Variants in TRIM14 observed in about 807,000 individuals in gnomAD.
TRIM14 encodes tripartite motif containing 14, also known as tripartite motif-containing protein 14.
In TRIM14, 28 loss-of-function variants were observed where a neutral mutation model predicts 44.5. That is an observed-to-expected ratio of 0.63 (90% CI 0.47 to 0.86). The LOEUF (loss-of-function observed/expected upper bound fraction) is 0.86, where lower values mean the gene tolerates loss of function less well. Ranked by LOEUF, TRIM14 falls within the 40% of genes least tolerant of loss-of-function variation. The probability of loss-of-function intolerance (pLI) is 0.00; values close to 1 mark genes in which losing one functional copy is unlikely to be tolerated. For missense variants in TRIM14, 607 were observed against 611.1 expected, an observed-to-expected ratio of 0.99 and a Z score of 0.07; for synonymous variants, 299 against 269.2, an observed-to-expected ratio of 1.11 and a Z score of -1.08.
At chr9:98,056,552 C>G in the TRIM14 span, among the ~76,000 whole-genome samples, 1 of 152,004 alleles carries the variant, frequency 6.6e-6, no homozygotes, top group South Asian at 2.1e-4. Flanking sequence ...CCTCAAGCCT[C>G]GCACAGGAGA....
intron 6 of TRIM14, chr9:98,077,029 AT>A: frequency 6.3e-7 from 1 of 1,588,762 alleles, no homozygotes; most frequent in Non-Finnish European, 8.6e-7. Context: ...TAAGTGTCTA[AT>A]TTTTGACTTA....
chr9:98,047,165 GAGTA>G, the TRIM14 span, among the ~76,000 whole-genome samples: 1 of 152,148 alleles, frequency 6.6e-6, no homozygotes, highest in Non-Finnish European at 1.5e-5. Flanking sequence ...TCATGGTAGT[GAGTA>G]AGTCTCACGA....
rs570207578 is a variant in TRIM14, at chr9:98,072,317, C to T, written c.*29-2630G>A. On this transcript the variant is annotated intron_variant, in intron 6 of 6. Coordinates refer to the TRIM14 transcript ENST00000375098. Reference sequence around the variant, plus strand: ...ACCCTTTGGAGTTTTTCTGCCTCAGCCTATTTGGGCAGGTAGGTTCCTCTG... The same window carrying T: ...ACCCTTTGGAGTTTTTCTGCCTCAGTCTATTTGGGCAGGTAGGTTCCTCTG... Among the ~76,000 whole-genome samples the T allele has an allele frequency of 6.6e-5, 10 of 152,268 alleles. No individual in the cohort carries two copies. In the East Asian group the frequency reaches 1.5e-3, roughly 23 times the overall value.
chr9:98,083,262 A>G (rs1242677552), downstream of TRIM14, among the ~76,000 whole-genome samples: 4 of 152,182 alleles, frequency 2.6e-5, no homozygotes, highest in Admixed American at 2.6e-4. Flanking sequence ...CTCTCCTTCA[A>G]GTTGGCCAGC....
In TRIM14 at chr9:98,104,410, C is replaced by T. The variant is rs534527670; in HGVS notation, c.304-4246G>A. ...AGAAAATACAAAAGAAGCTTCACGA[C>T]GCTATACCTTGTTCTAACTCTCAGC... On this transcript the variant is annotated intron_variant, in intron 2 of 5. Transcript: ENST00000341469. 1.3e-3 allele frequency among the ~76,000 whole-genome samples: 194 copies of T among 152,290 alleles called. 4 individuals carry two copies. The South Asian group carries it at 0.039, about 30-fold the overall frequency.
the TRIM14 span, among the ~76,000 whole-genome samples, chr9:98,042,090 A>G: frequency 6.6e-6 from 1 of 151,452 alleles, no homozygotes; most frequent in African/African-American, 2.4e-5. Flanking sequence ...TCAGGAGATC[A>G]AGACCATCCT....
intron 2 of TRIM14, 58 bp downstream of exon 2, chr9:98,109,831 T>G: frequency 2.8e-6 from 4 of 1,434,862 alleles, no homozygotes; most frequent in South Asian, 1.2e-5. Flanking sequence ...GGGGGTCCCT[T>G]TTGTCTGGGG....
At chr9:98,066,776 G>A (rs542349586), downstream of TRIM14, among the ~76,000 whole-genome samples, 11 of 151,830 alleles carry the variant, frequency 7.2e-5, no homozygotes, top group Non-Finnish European at 7.4e-5. Context: ...TCAGCCTCCC[G>A]AGTAGCTGGG....
chr9:98,087,501 T>A lies in TRIM14; in HGVS notation c.1298A>T (p.Glu433Val), dbSNP rs1456734404. 6.2e-7 allele frequency: 1 copy of A among 1,600,876 alleles called. No homozygotes were observed. The change falls in exon 6 of 6, where the codon GAG becomes GTG. Residue 433 changes from glutamate to valine, a missense_variant. Coordinates refer to ENST00000341469, the MANE Select transcript of TRIM14 (RefSeq NM_014788.4). ...CAGCCGGGGGATGCTGATGGCCCCC[T>A]CCCAGAGCCGCAGGGCCGGGTAGAG... is the stretch of plus-strand genomic sequence containing the variant. Reference protein sequence around the residue: ...EPLYPALRLWEGAISIPRLP With the variant: ...EPLYPALRLWVGAISIPRLP
chr9:98,077,486 A>C (rs186615520), intron 6 of TRIM14, among the ~76,000 whole-genome samples: 387 of 152,084 alleles, frequency 2.5e-3, no homozygotes, highest in African/African-American at 9.0e-3. Flanking sequence ...TTGGGATTAC[A>C]GGTGTGAGCC....
intron 1 of TRIM14, among the ~76,000 whole-genome samples, chr9:98,117,276 T>C (rs1257995256): frequency 6.8e-6 from 1 of 147,530 alleles, no homozygotes; most frequent in African/African-American, 2.5e-5. Context: ...AGATTCTCTG[T>C]TTTATTTATT....
At chr9:98,044,497 C>T in the TRIM14 span, among the ~76,000 whole-genome samples, 1 of 151,542 alleles carries the variant, frequency 6.6e-6, no homozygotes. Flanking sequence ...GTTCAGCCTC[C>T]CGAGTAGCTG....
At chr9:98,070,802 T>C (rs917306472) in intron 6 of TRIM14, among the ~76,000 whole-genome samples, 3 of 142,690 alleles carry the variant, frequency 2.1e-5, no homozygotes, top group Admixed American at 6.8e-5. Flanking sequence ...GCAGACTCTT[T>C]AGTAATTTTT....
At chr9:98,102,661 C>A (rs921318331) in intron 2 of TRIM14, among the ~76,000 whole-genome samples, 1 of 152,090 alleles carries the variant, frequency 6.6e-6, no homozygotes, top group African/African-American at 2.4e-5. Flanking sequence ...GTAGAGTCGA[C>A]GTTACCAAGG....
Position 98,087,423 on chromosome 9 carries a change from C to A in TRIM14, c.*47G>T, listed in dbSNP as rs1454778923. On this transcript the variant is annotated 3_prime_UTR_variant, in exon 6 of 6. Transcript: ENST00000341469. The stretch of plus-strand genomic sequence containing the variant: ...GCTGATCTAGGTAGATTAGGCGAGA[C>A]TGGGCAGCTGCGGCGTACCTGGAGG... 1.9e-6 allele frequency: 3 copies of A among 1,608,972 alleles called. No homozygotes were observed. The highest frequency in any genetic ancestry group is 2.5e-6 in the Non-Finnish European group (3 of 1,176,570).
At chr9:98,046,808 C>T in the TRIM14 span, among the ~76,000 whole-genome samples, 1 of 152,114 alleles carries the variant, frequency 6.6e-6, no homozygotes, top group Non-Finnish European at 1.5e-5. Flanking sequence ...AAATAAAAAG[C>T]TTAGGCAACT....
At chr9:98,096,578 TG>T (rs987102678) in intron 3 of TRIM14, among the ~76,000 whole-genome samples, 4 of 151,938 alleles carry the variant, frequency 2.6e-5, no homozygotes, top group Non-Finnish European at 5.9e-5. Flanking sequence ...GCCACTTTTT[TG>T]CCTTTGCAGA....
chr9:98,074,613 C>G (rs1250741787), intron 6 of TRIM14: 1 of 152,214 alleles, frequency 6.6e-6, no homozygotes, highest in Admixed American at 6.5e-5. Context: ...CGCCCCTTCC[C>G]TTTCCAGCAG....
downstream of TRIM14, among the ~76,000 whole-genome samples, chr9:98,083,832 G>A (rs1829996976): frequency 6.6e-6 from 1 of 152,244 alleles, no homozygotes; most frequent in South Asian, 2.1e-4. Flanking sequence ...AGGAGGCTGA[G>A]GTGGGAGGAT....
Sources: allele counts gnomAD v4.1 joint callset (sites outside exome capture counted in the v4.1 genomes callset), GRCh38; gene constraint gnomAD v4.1.1; transcripts MANE v1.5; gene names NCBI Gene and HGNC (gene_info 2026-07-23, HGNC 2026-07-21).